The following ANKS1B variants were observed in gnomAD, a reference collection of about 807,000 sequenced individuals.
ANKS1B encodes the protein ankyrin repeat and sterile alpha motif domain containing 1B, also known as ankyrin repeat and sterile alpha motif domain-containing protein 1B.
In ANKS1B, 36 loss-of-function variants were observed where a neutral mutation model predicts 148.3. The observed-to-expected ratio is 0.24, with a 90% confidence interval of 0.19 to 0.32. ANKS1B has a LOEUF of 0.32. ANKS1B is among the 10% of genes least tolerant of loss of function. ANKS1B has a pLI of 1.00. For missense variants in ANKS1B, 1,157 were observed against 1,542.6 expected (o/e 0.75, Z 4.19); for synonymous variants, 542 against 560.8 (o/e 0.97, Z 0.47).
chr12:99,783,764 T>G (rs546221914), intron 4 of ANKS1B, among the ~76,000 whole-genome samples: 1 of 152,076 alleles, frequency 6.6e-6, no homozygotes, highest in Non-Finnish European at 1.5e-5. Context: ...AGGTTGGTGA[T>G]TGACTGCGAA....
chr12:99,163,467 C>CTGTG (rs146637164), intron 14 of ANKS1B, among the ~76,000 whole-genome samples: 37,569 of 134,802 alleles, frequency 0.28, 5,315 homozygotes, highest in East Asian at 0.53. Context: ...TACATGCACT[C>CTGTG]TGTGTGTGTG....
At chr12:99,028,851 A>G (rs906639038) in intron 17 of ANKS1B, among the ~76,000 whole-genome samples, 4 of 152,218 alleles carry the variant, frequency 2.6e-5, no homozygotes, top group African/African-American at 4.8e-5. Context: ...CTTGTTTAAT[A>G]TGAACTTCAA....
intron 17 of ANKS1B, among the ~76,000 whole-genome samples, chr12:98,868,887 G>A (rs1007722303): frequency 1.3e-5 from 2 of 152,190 alleles, no homozygotes; most frequent in African/African-American, 2.4e-5. Context: ...TCTGTTTCAG[G>A]CATTCTGTTA....
intron 1 of ANKS1B, among the ~76,000 whole-genome samples, chr12:99,936,801 T>C (rs2094785401): frequency 6.6e-6 from 1 of 152,178 alleles, no homozygotes; most frequent in South Asian, 2.1e-4. Context: ...AAATTCACAC[T>C]AGAAAAGTGT....
intron 9 of ANKS1B, among the ~76,000 whole-genome samples, chr12:99,643,282 T>C (rs1437665618): frequency 6.6e-6 from 1 of 152,130 alleles, no homozygotes; most frequent in African/African-American, 2.4e-5. Context: ...AATTTCCTCA[T>C]ATAAATCAAG....
chr12:99,434,139 T>C (rs1306034155), intron 11 of ANKS1B, among the ~76,000 whole-genome samples: 4 of 152,096 alleles, frequency 2.6e-5, no homozygotes, highest in Admixed American at 2.6e-4. Context: ...ATACTATTCA[T>C]TGTATAGTCA....
chr12:99,009,083 G>T (rs912823313), intron 17 of ANKS1B, among the ~76,000 whole-genome samples: 8 of 152,170 alleles, frequency 5.3e-5, no homozygotes, highest in Non-Finnish European at 4.4e-5. Context: ...GCATAGTCAA[G>T]ACCAATGCTA....
chr12:99,465,666 T>C (rs1225913594), intron 10 of ANKS1B, among the ~76,000 whole-genome samples: 1 of 152,070 alleles, frequency 6.6e-6, no homozygotes, highest in Non-Finnish European at 1.5e-5. Context: ...AAACAGACTT[T>C]AAACCAACAA....
chr12:99,825,489 G>A (rs895968307), intron 1 of ANKS1B, 100 bp from the exon 2 acceptor site: 3 of 855,360 alleles, frequency 3.5e-6, no homozygotes, highest in Admixed American at 2.7e-5. Flanking sequence ...GCAGGTTGTA[G>A]ATAAAAATTT....
intron 17 of ANKS1B, among the ~76,000 whole-genome samples, chr12:98,979,346 C>T (rs2153226723): frequency 6.6e-6 from 1 of 151,648 alleles, no homozygotes; most frequent in Admixed American, 6.6e-5. Context: ...TGGCTCACTG[C>T]AACCCCCGCC....
chr12:98,819,339 A>G (rs1222133880), intron 19 of ANKS1B, among the ~76,000 whole-genome samples: 1 of 152,252 alleles, frequency 6.6e-6, no homozygotes, highest in Non-Finnish European at 1.5e-5. Context: ...CTGGGGAACC[A>G]GGATGCTGTA....
chr12:99,339,019 A>T (rs2089462174), intron 12 of ANKS1B, among the ~76,000 whole-genome samples: 1 of 152,154 alleles, frequency 6.6e-6, no homozygotes, highest in Admixed American at 6.5e-5. Flanking sequence ...TGGTGCAAGC[A>T]GTTCCTTGGC....
At chr12:99,417,988 T>C (rs1479955287) in intron 11 of ANKS1B, among the ~76,000 whole-genome samples, 2 of 152,292 alleles carry the variant, frequency 1.3e-5, no homozygotes, top group East Asian at 3.9e-4. Context: ...AGTTAAGCTG[T>C]CCTTCAGAAA....
intron 17 of ANKS1B, chr12:98,895,002 C>T: frequency 1.2e-6 from 1 of 812,916 alleles, no homozygotes; most frequent in Non-Finnish European, 1.5e-6. Context: ...GCGGCGGCGG[C>T]GGCGGCGCGT....
chr12:99,340,449 T>C (rs2089710670), intron 12 of ANKS1B, among the ~76,000 whole-genome samples: 1 of 152,120 alleles, frequency 6.6e-6, no homozygotes, highest in South Asian at 2.1e-4. Flanking sequence ...TTCTGAGAAA[T>C]GCATCATTAG....
intron 17 of ANKS1B, among the ~76,000 whole-genome samples, chr12:98,957,136 C>G (rs1452592099): frequency 6.6e-6 from 1 of 152,058 alleles, no homozygotes; most frequent in Non-Finnish European, 1.5e-5. Flanking sequence ...GATCATAGCT[C>G]AAGGAATGGG....
intron 9 of ANKS1B, among the ~76,000 whole-genome samples, chr12:99,632,745 A>ATT (rs2098177997): frequency 9.5e-6 from 1 of 105,122 alleles, no homozygotes; most frequent in African/African-American, 3.3e-5. Context: ...ATATATATAT[A>ATT]TATATATATA....
In ANKS1B at chr12:99,772,758, C is replaced by A. The variant is rs1321804174; in HGVS notation, c.1128+164G>T. 3 of 581,680 alleles carry A rather than the reference C, an allele frequency of 5.2e-6. No individual in the cohort carries two copies. In the East Asian group the frequency reaches 9.5e-5, roughly 18 times the overall value. 36.0% of individuals were successfully genotyped at this position (581,680 alleles called of 1,614,324 possible). ...CAAAGCACTCCTTCCCCTACACATGCACTGCGAGTAAAACCCCAAAGAACG... is the reference window on the plus strand; with the variant it reads ...CAAAGCACTCCTTCCCCTACACATGAACTGCGAGTAAAACCCCAAAGAACG... On this transcript the variant is annotated intron_variant, in intron 8 of 26. Coordinates refer to ENST00000683438, the MANE Select transcript of ANKS1B (RefSeq NM_001352186.2).
chr12:99,630,062 A>G (rs1385601851), intron 9 of ANKS1B, among the ~76,000 whole-genome samples: 3 of 152,198 alleles, frequency 2.0e-5, no homozygotes, highest in Admixed American at 2.0e-4. Flanking sequence ...TGAAAGCAAC[A>G]GATGTTCAGC....
Sources: gnomAD v4.1 joint callset for allele counts (sites outside exome capture counted in the v4.1 genomes callset) on GRCh38, gnomAD v4.1.1 for gene constraint, MANE v1.5 for transcripts, NCBI Gene and HGNC (gene_info 2026-07-23, HGNC 2026-07-21) for gene names.